Variants in GK5 observed in about 807,000 individuals in gnomAD.
GK5 encodes the protein ATP:glycerol 3-phosphotransferase 5.
Under a neutral mutation model 77.3 loss-of-function variants are expected in GK5, and 39 were observed. The observed-to-expected ratio is 0.50, with a 90% CI of 0.39 to 0.66. The LOEUF (loss-of-function observed/expected upper bound fraction) is 0.66, where lower values mean the gene tolerates loss of function less well. Ranked by LOEUF, GK5 falls within the 30% of genes least tolerant of loss-of-function variation. The pLI is 0.00. For missense variants in GK5, 487 were observed against 633.8 expected (o/e 0.77, Z 2.49); for synonymous variants, 211 against 208.0 (o/e 1.01, Z -0.13).
At chr3:142,169,469 G>A (rs2063509879) in intron 15 of GK5, among the ~76,000 whole-genome samples, 1 of 152,176 alleles carries the variant, frequency 6.6e-6, no homozygotes. Flanking sequence ...TGGTTAGCAA[G>A]AATTTCCCCT....
At chr3:142,195,775 TCACTCCAATAATGGAAGTATAATC>T (rs1235012321) in intron 5 of GK5, among the ~76,000 whole-genome samples, 2 of 152,240 alleles carry the variant, frequency 1.3e-5, no homozygotes, top group African/African-American at 2.4e-5. Flanking sequence ...GAAGTATCTC[TCACTCCAATAATGGAAGTATAATC>T]CACTCCAATA....
intron 3 of GK5, among the ~76,000 whole-genome samples, chr3:142,205,919 C>G (rs111758508): frequency 1.3e-5 from 2 of 152,186 alleles, no homozygotes; most frequent in African/African-American, 4.8e-5. Context: ...TCCTTCCTCA[C>G]CCCATCCCTT....
intron 9 of GK5, 152 bp from the exon 10 acceptor site, chr3:142,183,201 A>G (rs1303922540): frequency 1.9e-5 from 12 of 638,128 alleles, no homozygotes; most frequent in Non-Finnish European, 2.9e-5. Flanking sequence ...CAAAGAGAAT[A>G]GGGAGCAACA....
In GK5 at chr3:142,161,638, G is replaced by T. The variant is rs1392912755; in HGVS notation, c.*3984C>A. The stretch of plus-strand genomic sequence containing the variant: ...AGAATGATGATCTCCTTTGTTCAGA[G>T]ATAAAAAGGAAGCAAAAAAGCAGGT... On this transcript the variant is annotated 3_prime_UTR_variant, in exon 16 of 16. Coordinates refer to ENST00000392993, the MANE Select transcript of GK5 (RefSeq NM_001039547.3). The T allele has an allele frequency of 1.3e-5, 2 of 152,098 alleles. No individual in the cohort carries two copies. Among genetic ancestry groups the T allele is most frequent in the Admixed American group, 6.5e-5 (1 of 15,270 alleles). The allele number at this position is 152,098 out of a possible 1,614,324, so 9.4% of individuals were successfully genotyped here. A position where few individuals can be genotyped will look rare whatever the true frequency, so the allele number is the denominator to read the frequency against.
intron 5 of GK5, among the ~76,000 whole-genome samples, chr3:142,192,894 A>T (rs2063873525): frequency 6.6e-6 from 1 of 152,206 alleles, no homozygotes; most frequent in African/African-American, 2.4e-5. Context: ...CATATTGCTA[A>T]GTGAAAGAAG....
At chr3:142,194,588 C>T (rs1243430834) in intron 5 of GK5, among the ~76,000 whole-genome samples, 3 of 151,340 alleles carry the variant, frequency 2.0e-5, no homozygotes, top group African/African-American at 4.9e-5. Context: ...GCTACTCTGG[C>T]GGCTGAAGTA....
At chr3:142,215,272 T>C (rs1387690174) in intron 2 of GK5, among the ~76,000 whole-genome samples, 2 of 152,238 alleles carry the variant, frequency 1.3e-5, no homozygotes, top group Non-Finnish European at 2.9e-5. Context: ...AGCTATACAC[T>C]GTAACTTCTG....
intron 5 of GK5, among the ~76,000 whole-genome samples, chr3:142,194,396 C>T (rs2063901569): frequency 6.6e-6 from 1 of 152,074 alleles, no homozygotes; most frequent in Non-Finnish European, 1.5e-5. Flanking sequence ...CGTTGTGGCG[C>T]ACGCCTGTAG....
chr3:142,186,112 T>G (rs1304324446), intron 8 of GK5, 82 bp downstream of exon 8: 9 of 1,164,178 alleles, frequency 7.7e-6, no homozygotes, highest in South Asian at 1.3e-5. Flanking sequence ...CCTTCAAACA[T>G]GTAATAAAAT....
intron 14 of GK5, among the ~76,000 whole-genome samples, 164 bp from the exon 15 acceptor site, chr3:142,170,622 C>T (rs918000808): frequency 7.9e-5 from 12 of 152,156 alleles, no homozygotes; most frequent in African/African-American, 2.9e-4. Flanking sequence ...GAGAACCTTA[C>T]TGGGTAATCT....
At chr3:142,218,876 T>TA (rs2064307527) in intron 1 of GK5, among the ~76,000 whole-genome samples, 1 of 151,954 alleles carries the variant, frequency 6.6e-6, no homozygotes, top group South Asian at 2.1e-4. Flanking sequence ...CCAGAATATA[T>TA]AAAAAATTTC....
intron 2 of GK5, among the ~76,000 whole-genome samples, 170 bp from the exon 3 acceptor site, chr3:142,213,771 G>A (rs1351556446): frequency 6.6e-6 from 1 of 152,054 alleles, no homozygotes; most frequent in Non-Finnish European, 1.5e-5. Flanking sequence ...AGATGATTCT[G>A]CAGCATTTTT....
At chr3:142,212,568 G>A (rs1415179884) in intron 3 of GK5, among the ~76,000 whole-genome samples, 1 of 151,984 alleles carries the variant, frequency 6.6e-6, no homozygotes, top group African/African-American at 2.4e-5. Flanking sequence ...AAAGAAACAT[G>A]TTGAAGGCAA....
At chr3:142,202,596 T>C (rs963663056) in intron 4 of GK5, among the ~76,000 whole-genome samples, 2 of 152,226 alleles carry the variant, frequency 1.3e-5, no homozygotes, top group African/African-American at 4.8e-5. Flanking sequence ...GCATGTTCAA[T>C]ATCAAGTAGA....
At chr3:142,197,176 G>A (rs989142893) in intron 5 of GK5, among the ~76,000 whole-genome samples, 6 of 151,660 alleles carry the variant, frequency 4.0e-5, no homozygotes, top group South Asian at 2.1e-4. Flanking sequence ...GACAGAGTGA[G>A]ACTCCGTCTC....
At chr3:142,168,978 T>C (rs1254222613) in intron 15 of GK5, among the ~76,000 whole-genome samples, 1 of 152,208 alleles carries the variant, frequency 6.6e-6, no homozygotes, top group African/African-American at 2.4e-5. Context: ...AATTGAACCA[T>C]ATGTGATCTC....
At chr3:142,225,279 AC>A (rs764356143) in intron 1 of GK5, 29 bp downstream of exon 1, 14 of 1,514,468 alleles carry the variant, frequency 9.2e-6, no homozygotes, top group East Asian at 2.6e-5. Context: ...ACCCAGTCAG[AC>A]CCGCGCCCCA....
intron 10 of GK5, among the ~76,000 whole-genome samples, chr3:142,182,281 C>T (rs1256231831): frequency 6.6e-6 from 1 of 151,856 alleles, no homozygotes; most frequent in African/African-American, 2.4e-5. Flanking sequence ...TGAGGACTAC[C>T]ACTCAAAGAA....
intron 5 of GK5, among the ~76,000 whole-genome samples, chr3:142,194,387 G>C (rs998191315): frequency 6.6e-6 from 1 of 152,084 alleles, no homozygotes; most frequent in Non-Finnish European, 1.5e-5. Context: ...TTAGCTGGGC[G>C]TTGTGGCGCA....
Sources: gnomAD v4.1 joint callset for allele counts (sites outside exome capture counted in the v4.1 genomes callset) on GRCh38, gnomAD v4.1.1 for gene constraint, MANE v1.5 for transcripts, NCBI Gene and HGNC (gene_info 2026-07-23, HGNC 2026-07-21) for gene names.